Variants in PDE10A observed in about 807,000 individuals in gnomAD.
PDE10A encodes the protein cAMP and cAMP-inhibited cGMP 3',5'-cyclic phosphodiesterase 10A.
A neutral mutation model predicts 97.7 loss-of-function variants in PDE10A; 39 were observed. The ratio of observed to expected loss-of-function variants is 0.40; its 90% CI spans 0.31 to 0.52. PDE10A has a LOEUF of 0.52. Among genes scored for constraint, PDE10A ranks in the 20% least tolerant of loss-of-function variants. The pLI, the probability that PDE10A is intolerant of heterozygous loss-of-function variation, is 0.56. For missense variants in PDE10A, 731 were observed against 1,047.8 expected (o/e 0.70, Z 4.17); for synonymous variants, 371 against 376.8 (o/e 0.98, Z 0.18).
intron 9 of PDE10A, among the ~76,000 whole-genome samples, chr6:165,430,038 T>C (rs933219191): frequency 6.6e-6 from 1 of 152,118 alleles, no homozygotes; most frequent in African/African-American, 2.4e-5. Flanking sequence ...TCTCAGTCTA[T>C]TTAGAAAACA....
intron 18 of PDE10A, among the ~76,000 whole-genome samples, chr6:165,345,778 CA>C (rs1246971012): frequency 6.6e-6 from 1 of 152,200 alleles, no homozygotes; most frequent in Non-Finnish European, 1.5e-5. Flanking sequence ...AGCAAAGAAC[CA>C]AATAGACCCT....
intron 13 of PDE10A, among the ~76,000 whole-genome samples, chr6:165,403,836 T>C (rs1399864742): frequency 1.3e-5 from 2 of 152,198 alleles, no homozygotes; most frequent in African/African-American, 4.8e-5. Flanking sequence ...ATTTGCCTTT[T>C]TGTGCCTGGA....
At chr6:165,821,104 T>C (rs951051505) in intron 1 of PDE10A, among the ~76,000 whole-genome samples, 1 of 152,178 alleles carries the variant, frequency 6.6e-6, no homozygotes, top group East Asian at 1.9e-4. Flanking sequence ...CAGCTAATAC[T>C]GTTGAGCAAA....
intron 1 of PDE10A, among the ~76,000 whole-genome samples, chr6:165,599,684 G>GAGTA (rs1002552622): frequency 3.3e-5 from 5 of 152,110 alleles, no homozygotes; most frequent in Admixed American, 1.3e-4. Context: ...ATTATCATGT[G>GAGTA]AGCAAGCAAG....
intron 1 of PDE10A, among the ~76,000 whole-genome samples, chr6:165,710,683 A>G (rs1269306417): frequency 1.3e-5 from 2 of 152,120 alleles, no homozygotes; most frequent in African/African-American, 2.4e-5. Flanking sequence ...AATAATGTAA[A>G]TTATTTTCTC....
chr6:165,956,605 G>T (rs1562325823), intron 1 of PDE10A, among the ~76,000 whole-genome samples: 1 of 152,224 alleles, frequency 6.6e-6, no homozygotes, highest in Non-Finnish European at 1.5e-5. Flanking sequence ...GCAAATGTGA[G>T]AAATACTCAG....
intron 1 of PDE10A, among the ~76,000 whole-genome samples, chr6:165,854,030 G>A (rs2128475276): frequency 6.6e-6 from 1 of 152,300 alleles, no homozygotes; most frequent in Admixed American, 6.5e-5. Flanking sequence ...GCCGTGATGC[G>A]GGGCGTGGTG....
chr6:165,935,853 T>G (rs780509206), intron 1 of PDE10A, among the ~76,000 whole-genome samples: 2 of 152,214 alleles, frequency 1.3e-5, no homozygotes, highest in Non-Finnish European at 2.9e-5. Context: ...CACCATGGGA[T>G]GACACAGCAA....
intron 1 of PDE10A, among the ~76,000 whole-genome samples, chr6:165,685,382 G>GAATAA (rs1241232890): frequency 6.6e-6 from 1 of 151,512 alleles, no homozygotes; most frequent in Admixed American, 6.6e-5. Flanking sequence ...TTCTGCTTGG[G>GAATAA]GCTTTATTCT....
chr6:165,379,359 C>T lies in PDE10A; in HGVS notation c.2618G>A (p.Gly873Glu), dbSNP rs938029152. The part of the protein sequence containing the change: ...SQTVSILQLE[G>E]HNIFSTLSSS... ...GCTCAGAGTGGAGAAGATATTGTGCCCTTCCAACTAGGGAAAAAATACAAA... is the reference window on the plus strand; with the variant it reads ...GCTCAGAGTGGAGAAGATATTGTGCTCTTCCAACTAGGGAAAAAATACAAA... The change falls in exon 18 of 22, where the codon GGG becomes GAG. Residue 873 changes from glycine to glutamate, a missense_variant. This residue lies in a region of PDE10A where 25 missense variants were observed against 83.7 expected (regional missense o/e 0.30). Coordinates refer to ENST00000539869, the MANE Select transcript of PDE10A (RefSeq NM_001385079.1). The T allele has an allele frequency of 6.2e-7, 1 of 1,606,842 alleles. No homozygotes were observed. Among genetic ancestry groups the T allele is most frequent in the Non-Finnish European group, 8.5e-7 (1 of 1,177,944 alleles).
intron 3 of PDE10A, among the ~76,000 whole-genome samples, chr6:165,467,062 A>G (rs2128266065): frequency 6.6e-6 from 1 of 152,340 alleles, no homozygotes; most frequent in East Asian, 1.9e-4. Context: ...CAAACCAACT[A>G]CAATATTCCC....
intron 18 of PDE10A, among the ~76,000 whole-genome samples, chr6:165,371,256 A>G (rs1255302369): frequency 3.9e-5 from 6 of 152,072 alleles, no homozygotes; most frequent in Non-Finnish European, 7.4e-5. Context: ...AAATAGAGAC[A>G]CAAAAAACAT....
intron 1 of PDE10A, among the ~76,000 whole-genome samples, chr6:165,884,311 C>T (rs1377306446): frequency 2.0e-5 from 3 of 152,224 alleles, no homozygotes; most frequent in African/African-American, 7.2e-5. Flanking sequence ...CTTTATAAAA[C>T]TGTGATTGAA....
chr6:165,341,159 G>A (rs17712261), intron 19 of PDE10A, among the ~76,000 whole-genome samples: 6,848 of 152,268 alleles, frequency 0.045, 194 homozygotes, highest in Admixed American at 0.067. Context: ...TAGATACTGG[G>A]AACAACTGTC....
chr6:165,927,417 G>A (rs1782970660), intron 1 of PDE10A, among the ~76,000 whole-genome samples: 2 of 151,910 alleles, frequency 1.3e-5, no homozygotes, highest in Non-Finnish European at 2.9e-5. Flanking sequence ...GATATGGAAA[G>A]ATAATCACAA....
At chr6:165,964,847 C>G (rs1191339123) in intron 1 of PDE10A, among the ~76,000 whole-genome samples, 1 of 151,968 alleles carries the variant, frequency 6.6e-6, no homozygotes, top group Non-Finnish European at 1.5e-5. Context: ...GGAGTGAGAC[C>G]CTGCGTGAGA....
intron 6 of PDE10A, 81 bp downstream of exon 6, chr6:165,435,155 TA>T (rs2128240020): frequency 8.4e-7 from 1 of 1,191,856 alleles, no homozygotes; most frequent in African/African-American, 1.5e-5. Context: ...CTATTTAAAT[TA>T]TAACATCAAA....
At chr6:165,681,160 A>AG (rs1790966565) in intron 1 of PDE10A, among the ~76,000 whole-genome samples, 1 of 152,212 alleles carries the variant, frequency 6.6e-6, no homozygotes, top group Admixed American at 6.5e-5. Context: ...AGAGCGCTGC[A>AG]AGGGGTAGTT....
chr6:165,940,886 A>C (rs300113), intron 1 of PDE10A: 26,616 of 152,256 alleles, frequency 0.17, 2,817 homozygotes, highest in East Asian at 0.3. Flanking sequence ...TTTTGGTGCT[A>C]TAGTAGCCGT....
Sources: allele counts gnomAD v4.1 joint callset (sites outside exome capture counted in the v4.1 genomes callset), GRCh38; gene constraint gnomAD v4.1.1; regional missense constraint gnomAD v4.1.1; transcripts MANE v1.5; gene names NCBI Gene and HGNC (gene_info 2026-07-23, HGNC 2026-07-21).